NTNG1: variants seen among roughly 807,000 people sequenced by gnomAD.
NTNG1 encodes the protein netrin-G1.
In NTNG1, 16 loss-of-function variants were observed where a neutral mutation model predicts 54.0. The ratio of observed to expected loss-of-function variants is 0.30; its 90% CI spans 0.20 to 0.45. The LOEUF (loss-of-function observed/expected upper bound fraction) is 0.45. NTNG1 is among the 20% of genes least tolerant of loss of function. The probability of loss-of-function intolerance (pLI) is 1.00; values close to 1 mark genes in which losing one functional copy is unlikely to be tolerated. For missense variants in NTNG1, 530 were observed against 678.7 expected (o/e 0.78, Z 2.43); for synonymous variants, 255 against 263.1 (o/e 0.97, Z 0.30).
intron 2 of NTNG1, among the ~76,000 whole-genome samples, chr1:107,191,409 T>A (rs1488166255): frequency 1.3e-5 from 2 of 152,042 alleles, no homozygotes. Context: ...TTTCTTTTGC[T>A]GTGCAGAAGC....
At chr1:107,292,641 C>T (rs886179520) in intron 2 of NTNG1, among the ~76,000 whole-genome samples, 4 of 151,982 alleles carry the variant, frequency 2.6e-5, no homozygotes, top group African/African-American at 4.8e-5. Flanking sequence ...GGCAAAATGG[C>T]GGAGTTTAAA....
In NTNG1 at chr1:107,436,792, C is replaced by T; in HGVS notation, c.1383C>T (p.Gly461=). The part of the protein sequence containing the change: ...ECLPGNSWHY[G]CQPNVCDNEL... ...TGCCGGGAAATTCCTGGCACTACGGCTGTCAACGTAAGTAACTCTGGGAGC... is the reference window on the plus strand; with the variant it reads ...TGCCGGGAAATTCCTGGCACTACGGTTGTCAACGTAAGTAACTCTGGGAGC... Residue 461 remains glycine (G), a synonymous_variant, in exon 7 of 8, where the codon GGC becomes GGT. Transcript: ENST00000370068. The T allele has an allele frequency of 6.2e-7, 1 of 1,613,282 alleles. No homozygotes were observed. The highest frequency in any genetic ancestry group is 8.5e-7 in the Non-Finnish European group (1 of 1,179,498).
intron 5 of NTNG1, chr1:107,421,283 G>A (rs558701233): frequency 7.2e-5 from 42 of 582,496 alleles, no homozygotes; most frequent in African/African-American, 6.3e-4. Context: ...TCAATGCATC[G>A]AATAGTACTG....
Position 107,221,465 on chromosome 1 carries a change from C to A in NTNG1, c.246+72626C>A, listed in dbSNP as rs1427024768. Among the ~76,000 whole-genome samples, 8 of 152,252 alleles carry A rather than the reference C, an allele frequency of 5.3e-5. No individual in the cohort carries two copies. In the East Asian group the frequency reaches 1.6e-3, roughly 30 times the overall value. On this transcript the variant is annotated intron_variant, in intron 2 of 7. Transcript: ENST00000370068. ...CTCCATCTGCAAGGATTCAGGGTGG[C>A]TCTATGATAAAGTTGACATCTGAGC...
intron 2 of NTNG1, among the ~76,000 whole-genome samples, chr1:107,149,695 A>G (rs1036293725): frequency 2.0e-5 from 3 of 152,144 alleles, no homozygotes; most frequent in Admixed American, 6.6e-5. Context: ...TATAAGTATT[A>G]GTAAAGAGGC....
At chr1:107,283,069 A>G (rs1456112299) in intron 2 of NTNG1, among the ~76,000 whole-genome samples, 2 of 152,014 alleles carry the variant, frequency 1.3e-5, no homozygotes, top group African/African-American at 2.4e-5. Flanking sequence ...TCCTAATATC[A>G]TCATTTTGGT....
At chr1:107,272,572 A>G (rs1310197202) in intron 2 of NTNG1, among the ~76,000 whole-genome samples, 1 of 152,126 alleles carries the variant, frequency 6.6e-6, no homozygotes, top group African/African-American at 2.4e-5. Context: ...TGGGAAGGTT[A>G]TTTATGTGCT....
At chr1:107,384,478 A>G (rs777624481) in intron 3 of NTNG1, among the ~76,000 whole-genome samples, 1 of 152,178 alleles carries the variant, frequency 6.6e-6, no homozygotes. Context: ...CCCACTGTCC[A>G]TGAAGAAATG....
chr1:107,258,451 TA>T (rs918045714), intron 2 of NTNG1, among the ~76,000 whole-genome samples: 2 of 152,242 alleles, frequency 1.3e-5, no homozygotes, highest in African/African-American at 4.8e-5. Context: ...TTAAAAAAAA[TA>T]AAAGAAGTTG....
At chr1:107,438,094 A>G (rs755889883) in intron 7 of NTNG1, among the ~76,000 whole-genome samples, 2 of 117,980 alleles carry the variant, frequency 1.7e-5, no homozygotes, top group South Asian at 2.5e-4. Flanking sequence ...CAATTTCTAT[A>G]CAATATTATA....
rs1678760533 is a variant in NTNG1 at position 107,482,081 on chromosome 1, A to AAAAAAAAAAAAAG, written c.*1242_*1243insAAAAAAAAAAAGA. ...AAAAAAAAAAAAAAAAAAAAAAAAA[A>AAAAAAAAAAAAAG]ATCTAAGTGATTGCCAAGATTATGC... is the stretch of plus-strand genomic sequence containing the variant. On this transcript the variant is annotated 3_prime_UTR_variant, in exon 8 of 8. Transcript: ENST00000370068. The AAAAAAAAAAAAAG allele has an allele frequency of 6.8e-6, 1 of 146,762 alleles. No individual in the cohort carries two copies. Among genetic ancestry groups the AAAAAAAAAAAAAG allele is most frequent in the Admixed American group, 7.0e-5 (1 of 14,366 alleles). 9.1% of individuals were successfully genotyped at this position (146,762 alleles called of 1,614,324 possible). A position where few individuals can be genotyped will look rare whatever the true frequency, so the allele number is the denominator to read the frequency against.
At chr1:107,420,093 A>G (rs1225809352) in intron 5 of NTNG1, among the ~76,000 whole-genome samples, 1 of 152,054 alleles carries the variant, frequency 6.6e-6, no homozygotes, top group Non-Finnish European at 1.5e-5. Flanking sequence ...TATACAACAC[A>G]GGCTCTAAGA....
At chr1:107,321,749 G>T (rs756044777) in intron 2 of NTNG1, among the ~76,000 whole-genome samples, 3 of 152,038 alleles carry the variant, frequency 2.0e-5, no homozygotes, top group Admixed American at 1.3e-4. Context: ...AGAAGATTAG[G>T]CTGTGTTTCC....
At chr1:107,173,061 A>G (rs1386369654) in intron 2 of NTNG1, among the ~76,000 whole-genome samples, 2 of 152,152 alleles carry the variant, frequency 1.3e-5, no homozygotes, top group East Asian at 1.9e-4. Context: ...TAACTGGTCC[A>G]CGAGAACATC....
chr1:107,186,389 A>G (rs766682616), intron 2 of NTNG1, among the ~76,000 whole-genome samples: 22 of 152,180 alleles, frequency 1.4e-4, no homozygotes, highest in Non-Finnish European at 2.1e-4. Flanking sequence ...AAAACTATGA[A>G]TGGACTTATG....
chr1:107,476,008 T>C (rs1014049276), intron 7 of NTNG1, among the ~76,000 whole-genome samples: 4 of 152,222 alleles, frequency 2.6e-5, no homozygotes, highest in Non-Finnish European at 5.9e-5. Flanking sequence ...CAATCCTTTT[T>C]CCAATTATTC....
At chr1:107,394,218 C>T (rs1672541228) in intron 3 of NTNG1, among the ~76,000 whole-genome samples, 1 of 152,146 alleles carries the variant, frequency 6.6e-6, no homozygotes, top group African/African-American at 2.4e-5. Context: ...TTTACCTTTC[C>T]AGAGGATATG....
chr1:107,326,487 A>G (rs1459671676), intron 3 of NTNG1, among the ~76,000 whole-genome samples: 4 of 152,076 alleles, frequency 2.6e-5, no homozygotes, highest in Non-Finnish European at 5.9e-5. Flanking sequence ...AGTTTCCAGG[A>G]TCTTATTCTT....
chr1:107,368,714 G>A (rs901862069), intron 3 of NTNG1, among the ~76,000 whole-genome samples: 1 of 152,178 alleles, frequency 6.6e-6, no homozygotes, highest in African/African-American at 2.4e-5. Flanking sequence ...TAAAGAAACT[G>A]AGTCTCAAGG....
Sources: gnomAD v4.1 joint callset for allele counts (sites outside exome capture counted in the v4.1 genomes callset) on GRCh38, gnomAD v4.1.1 for gene constraint, MANE v1.5 for transcripts, NCBI Gene and HGNC (gene_info 2026-07-23, HGNC 2026-07-21) for gene names.